Variants in TEC observed in about 807,000 individuals in gnomAD.
The protein encoded by TEC is tec protein tyrosine kinase.
TEC carries 72 observed loss-of-function variants against 93.0 expected under a neutral mutation model. The observed-to-expected ratio is 0.77, with a 90% CI of 0.64 to 0.94. TEC has a LOEUF of 0.94. Ranked by LOEUF, TEC falls within the 40% of genes least tolerant of loss-of-function variation. TEC has a pLI of 0.00. For missense variants in TEC, 630 were observed against 757.9 expected, an observed-to-expected ratio of 0.83 and a Z score of 1.98; for synonymous variants, 249 against 247.7, an observed-to-expected ratio of 1.01 and a Z score of -0.05.
chr4:48,264,237 G>A (rs969374371), intron 1 of TEC, among the ~76,000 whole-genome samples: 1 of 152,068 alleles, frequency 6.6e-6, no homozygotes, highest in African/African-American at 2.4e-5. Context: ...ATAAAAAGAG[G>A]GGTGGGCTAA....
intron 2 of TEC, among the ~76,000 whole-genome samples, chr4:48,186,651 G>C (rs6447617): frequency 0.68 from 98,240 of 144,988 alleles, 32,048 homozygotes; most frequent in Admixed American, 0.76. Context: ...AGGAGCCCCT[G>C]CGCCTGGCAG....
chr4:48,191,488 G>A (rs1396441360), intron 2 of TEC, among the ~76,000 whole-genome samples: 1 of 152,110 alleles, frequency 6.6e-6, no homozygotes, highest in Non-Finnish European at 1.5e-5. Context: ...GATGAATTCA[G>A]TAAATATTCC....
chr4:48,243,063 C>T (rs1267617666), intron 1 of TEC, among the ~76,000 whole-genome samples: 1 of 152,082 alleles, frequency 6.6e-6, no homozygotes, highest in African/African-American at 2.4e-5. Flanking sequence ...AAAATTCAAC[C>T]ACTGAGAGGG....
intron 3 of TEC, 148 bp downstream of exon 3, chr4:48,175,934 T>TA: frequency 1.6e-6 from 1 of 616,390 alleles, no homozygotes. Flanking sequence ...CACAAAGACT[T>TA]AAACAGTTCA....
intron 9 of TEC, among the ~76,000 whole-genome samples, chr4:48,154,567 T>A (rs573255915): frequency 1.3e-5 from 2 of 152,262 alleles, no homozygotes; most frequent in South Asian, 4.1e-4. Context: ...ACATAAAAGA[T>A]AGGATATGGT....
At chr4:48,140,574 C>T (rs1719617077) in intron 15 of TEC, among the ~76,000 whole-genome samples, 1 of 152,208 alleles carries the variant, frequency 6.6e-6, no homozygotes, top group African/African-American at 2.4e-5. Flanking sequence ...CATACAGTCC[C>T]CGTGACAACT....
At chr4:48,145,831 A>G (rs1179711844) in intron 12 of TEC, among the ~76,000 whole-genome samples, 1 of 152,214 alleles carries the variant, frequency 6.6e-6, no homozygotes, top group Non-Finnish European at 1.5e-5. Context: ...ATAATAATAT[A>G]GCCTGAAAGT....
intron 14 of TEC, chr4:48,141,624 T>C (rs1212869477): frequency 1.9e-6 from 1 of 513,254 alleles, no homozygotes; most frequent in Non-Finnish European, 3.4e-6. Context: ...CAGAAAGTTG[T>C]ATTTGCAATA....
intron 2 of TEC, among the ~76,000 whole-genome samples, chr4:48,196,749 C>T (rs1322956465): frequency 1.3e-5 from 2 of 152,102 alleles, no homozygotes; most frequent in Non-Finnish European, 2.9e-5. Context: ...TACAGGAGGC[C>T]GTAATAGAAA....
intron 3 of TEC, among the ~76,000 whole-genome samples, chr4:48,172,555 C>A (rs1721158517): frequency 6.6e-6 from 1 of 151,982 alleles, no homozygotes. Flanking sequence ...CCCACCTGAG[C>A]CTCCAAAGTG....
At chr4:48,179,376 A>ATATATATTTT (rs1560393438) in intron 2 of TEC, among the ~76,000 whole-genome samples, 5 of 21,164 alleles carry the variant, frequency 2.4e-4, no homozygotes, top group Non-Finnish European at 4.2e-4. Flanking sequence ...ATATATATAT[A>ATATATATTTT]TTTTTTTTTT....
intron 1 of TEC, among the ~76,000 whole-genome samples, chr4:48,258,936 A>G (rs1459878328): frequency 6.6e-5 from 10 of 152,204 alleles, no homozygotes; most frequent in African/African-American, 4.8e-5. Flanking sequence ...TGTAGAATTT[A>G]TTTTAGATTT....
At chr4:48,168,150 C>G (rs569754532) in intron 6 of TEC, among the ~76,000 whole-genome samples, 197 bp from the exon 7 acceptor site, 1 of 151,934 alleles carries the variant, frequency 6.6e-6, no homozygotes, top group African/African-American at 2.4e-5. Context: ...TTTAATTAAC[C>G]CACTCAAAGT....
At position 48,167,832 on chromosome 4, in the gene TEC, T is replaced by C. The variant is rs1482405725; in HGVS notation, c.617A>G (p.Tyr206Cys). The C allele has an allele frequency of 6.2e-7, 1 of 1,613,970 alleles. No individual in the cohort carries two copies. The highest frequency in any genetic ancestry group is 8.5e-7 in the Non-Finnish European group (1 of 1,179,902). ...HDLRLERGQE[Y>C]LILEKNDVHW... Reference sequence around the variant, plus strand: ...AACATCATTCTTTTCTAAAATGAGATACTCTTGGCCTCTCTCTAATCTGAG... The same window carrying C: ...AACATCATTCTTTTCTAAAATGAGACACTCTTGGCCTCTCTCTAATCTGAG... The change falls in exon 7 of 18, where the codon TAT becomes TGT. Residue 206 changes from tyrosine (Y) to cysteine (C), a missense_variant. Physicochemically the swap from Tyr to Cys is radical, Grantham distance 194 (BLOSUM62 -2). Transcript: ENST00000381501.
At chr4:48,168,468 A>C in intron 6 of TEC, 118 bp downstream of exon 6, 1 of 1,099,618 alleles carries the variant, frequency 9.1e-7, no homozygotes, top group Non-Finnish European at 1.3e-6. Flanking sequence ...TCCTAGGGAA[A>C]AATTGTGTCA....
intron 15 of TEC, among the ~76,000 whole-genome samples, chr4:48,140,120 G>A (rs193042783): frequency 2.0e-5 from 3 of 152,314 alleles, no homozygotes; most frequent in Admixed American, 2.0e-4. Context: ...CTAAGAGTTG[G>A]AAGTTCTGGT....
At chr4:48,167,423 C>T (rs1720914246) in intron 7 of TEC, among the ~76,000 whole-genome samples, 1 of 151,762 alleles carries the variant, frequency 6.6e-6, no homozygotes, top group Non-Finnish European at 1.5e-5. Context: ...GAGAGAGAGT[C>T]TAAGAAAAAA....
chr4:48,163,751 G>T lies in TEC; in HGVS notation c.688C>A (p.Pro230Thr). 6.7e-7 allele frequency: 1 copy of T among 1,491,934 alleles called. No homozygotes were observed. The allele number at this position is 1,491,934 out of a possible 1,614,324, so 92.4% of individuals were successfully genotyped here. The change falls in exon 8 of 18, where the codon CCA becomes ACA. Residue 230 changes from proline to threonine, a missense_variant. Physicochemically the swap from Pro to Thr is conservative, Grantham distance 38 (BLOSUM62 -1). Around this residue, in one of 3 missense-constraint regions of TEC, gnomAD observed 335 missense variants for 351.5 expected, o/e 0.95. Coordinates refer to ENST00000381501, the MANE Select transcript of TEC (RefSeq NM_003215.3). The part of the protein sequence containing the change: ...RDKYGNEGYI[P>T]SNYVTGKKSN... ...TTCTTTCCCGTTACGTAATTACTTGGGATATATCCTTCATTCCTAGAAATA... is the reference window on the plus strand; with the variant it reads ...TTCTTTCCCGTTACGTAATTACTTGTGATATATCCTTCATTCCTAGAAATA...
chr4:48,171,882 CTGT>C (rs1721127328), intron 3 of TEC, among the ~76,000 whole-genome samples: 2 of 152,228 alleles, frequency 1.3e-5, no homozygotes, highest in Non-Finnish European at 2.9e-5. Flanking sequence ...CAGCACTGTG[CTGT>C]GTGCTTTACA....
Sources: gnomAD v4.1 joint callset for allele counts (sites outside exome capture counted in the v4.1 genomes callset) on GRCh38, gnomAD v4.1.1 for gene constraint, gnomAD v4.1.1 regional missense constraint, MANE v1.5 for transcripts, NCBI Gene and HGNC (gene_info 2026-07-23, HGNC 2026-07-21) for gene names.